Variants in SPANXN1 observed in about 807,000 individuals in gnomAD.
SPANXN1 encodes sperm protein associated with the nucleus on the X chromosome N1.
A neutral mutation model predicts 2.0 loss-of-function variants in SPANXN1; 1 was observed. That is an observed-to-expected ratio of 0.50 (90% CI 0.18 to 2.36). SPANXN1 has a LOEUF of 2.36. SPANXN1 is among the 30% of genes most tolerant of loss of function. The probability of loss-of-function intolerance (pLI) is 0.26; values close to 1 mark genes in which losing one functional copy is unlikely to be tolerated. For synonymous variants in SPANXN1, 27 were observed against 21.3 expected, an observed-to-expected ratio of 1.27 and a Z score of -0.74; for missense variants, 55 against 51.8, an observed-to-expected ratio of 1.06 and a Z score of -0.19.
In SPANXN1 at chrX:145,247,610, C is replaced by A. The variant is rs1556881961; in HGVS notation, c.24C>A (p.Ile8=). 3 of 1,210,527 alleles carry A rather than the reference C, an allele frequency of 2.5e-6. No individual in the cohort carries two copies. The Admixed American group carries it at 6.5e-5, about 26-fold the overall frequency. Residue 8 remains isoleucine (I), a synonymous_variant, in exon 1 of 2, where the codon ATC becomes ATA. Coordinates refer to ENST00000370493, the MANE Select transcript of SPANXN1 (RefSeq NM_001009614.3). ...TCATGGAACAGCCCACTTCAAGCAT[C>A]AATGGGGAGAAGAGGAAGAGCCCCT... MEQPTSS[I]NGEKRKSPCE...
Position 145,255,952 on chromosome X carries a change from C to G in SPANXN1, c.*138C>G. The stretch of plus-strand genomic sequence containing the variant: ...AAGGATCTTCAAAGCAGGATGAAGA[C>G]CTAGACTTACCTGAAGGATCTTCAA... On this transcript the variant is annotated 3_prime_UTR_variant, in exon 2 of 2. Coordinates refer to ENST00000370493, the MANE Select transcript of SPANXN1 (RefSeq NM_001009614.3). The G allele has an allele frequency of 3.7e-6, 4 of 1,069,075 alleles. No individual in the cohort carries two copies. Among genetic ancestry groups the G allele is most frequent in the South Asian group, 3.8e-5 (2 of 52,941 alleles). 88.1% of individuals were successfully genotyped at this position (1,069,075 alleles called of 1,213,427 possible). A position where few individuals can be genotyped will look rare whatever the true frequency, so the allele number is the denominator to read the frequency against.
chrX:145,249,208 C>G (rs1489414677), intron 1 of SPANXN1, among the ~76,000 whole-genome samples: 1 of 107,782 alleles, frequency 9.3e-6, no homozygotes, highest in Non-Finnish European at 1.9e-5. Flanking sequence ...TGTGGACAAA[C>G]AAGTTTAACA....
At chrX:145,248,462 G>C (rs1253369848) in intron 1 of SPANXN1, among the ~76,000 whole-genome samples, 2 of 112,071 alleles carry the variant, frequency 1.8e-5, no homozygotes, top group Admixed American at 1.9e-4. Context: ...GAGATGCTTA[G>C]TTCTGCTAAC....
chrX:145,249,847 T>C (rs5965839), intron 1 of SPANXN1, among the ~76,000 whole-genome samples: 1 of 110,595 alleles, frequency 9.0e-6, no homozygotes, highest in Non-Finnish European at 1.9e-5. Context: ...AGCATTTGTG[T>C]ACTGTCTTAT....
At chrX:145,250,141 C>G (rs782574352) in intron 1 of SPANXN1, among the ~76,000 whole-genome samples, 73 of 111,519 alleles carry the variant, frequency 6.5e-4, no homozygotes, top group African/African-American at 2.3e-3. Flanking sequence ...ATGTTTAGAG[C>G]CTTTGCCAGC....
In SPANXN1 at chrX:145,256,137, G is replaced by T. The variant is rs782248757; in HGVS notation, c.*323G>T. Reference sequence around the variant, plus strand: ...GAGAAAAAGCGATCATCTAGGTCAAGAAATGAAATCGAAATTTCAGAAATT... The same window carrying T: ...GAGAAAAAGCGATCATCTAGGTCAATAAATGAAATCGAAATTTCAGAAATT... On this transcript the variant is annotated 3_prime_UTR_variant, in exon 2 of 2. Coordinates refer to ENST00000370493, the MANE Select transcript of SPANXN1 (RefSeq NM_001009614.3). The T allele has an allele frequency of 4.7e-6, 2 of 422,574 alleles. No individual in the cohort carries two copies. The highest frequency in any genetic ancestry group is 3.8e-5 in the East Asian group (1 of 26,077). 34.8% of individuals were successfully genotyped at this position (422,574 alleles called of 1,213,427 possible). A position where few individuals can be genotyped will look rare whatever the true frequency, so the allele number is the denominator to read the frequency against.
intron 1 of SPANXN1, among the ~76,000 whole-genome samples, chrX:145,254,628 C>T (rs782040464): frequency 6.2e-5 from 7 of 112,114 alleles, no homozygotes; most frequent in African/African-American, 9.7e-5. Context: ...AGGGAGGCTG[C>T]GGTCACCTGG....
At chrX:145,251,027 T>A (rs1339046120) in intron 1 of SPANXN1, among the ~76,000 whole-genome samples, 1 of 112,310 alleles carries the variant, frequency 8.9e-6, no homozygotes, top group African/African-American at 3.2e-5. Context: ...CAACTAGCTT[T>A]GCCTGTTGAG....
intron 1 of SPANXN1, among the ~76,000 whole-genome samples, chrX:145,249,149 A>T (rs868946316): frequency 9.0e-6 from 1 of 110,914 alleles, no homozygotes; most frequent in Non-Finnish European, 1.9e-5. Context: ...ATTTTCGACC[A>T]GGTTTATGTG....
At chrX:145,255,459 A>C (rs12390280) in intron 1 of SPANXN1, among the ~76,000 whole-genome samples, 11,718 of 110,764 alleles carry the variant, frequency 0.11, 1,384 homozygotes, top group African/African-American at 0.34. Context: ...AAGAACTTAC[A>C]AAATGGTGCA....
chrX:145,255,919 C>T lies in SPANXN1; in HGVS notation c.*105C>T. 1 of 1,183,433 alleles carries T rather than the reference C, an allele frequency of 8.4e-7. No individual in the cohort carries two copies. The highest frequency in any genetic ancestry group is 1.1e-6 in the Non-Finnish European group (1 of 872,252). ...ACCTAGACTTACCTGAAGGCCTAGA[C>T]TCAGCTGAAGGATCTTCAAAGCAGG... On this transcript the variant is annotated 3_prime_UTR_variant, in exon 2 of 2. Transcript: ENST00000370493.
chrX:145,250,147 C>T (rs1364814906), intron 1 of SPANXN1, among the ~76,000 whole-genome samples: 1 of 111,505 alleles, frequency 9.0e-6, no homozygotes, highest in African/African-American at 3.3e-5. Flanking sequence ...AGAGCCTTTG[C>T]CAGCTGTTGG....
intron 1 of SPANXN1, among the ~76,000 whole-genome samples, chrX:145,252,053 A>G (rs1250658701): frequency 9.0e-6 from 1 of 111,439 alleles, no homozygotes; most frequent in African/African-American, 3.3e-5. Flanking sequence ...CAGGTTAAGG[A>G]AAGGGCTACA....
chrX:145,250,557 G>A (rs1246493485), intron 1 of SPANXN1, among the ~76,000 whole-genome samples: 8 of 111,848 alleles, frequency 7.2e-5, no homozygotes, highest in Non-Finnish European at 1.5e-4. Flanking sequence ...GGAAATGGTT[G>A]TGCACATATG....
Position 145,252,867 on chromosome X carries a change from C to T in SPANXN1, c.76-2804C>T, listed in dbSNP as rs1462244097. On this transcript the variant is annotated intron_variant, in intron 1 of 1. Coordinates refer to ENST00000370493, the MANE Select transcript of SPANXN1 (RefSeq NM_001009614.3). ...GTTGAATAGGTTGCATAATAAAGGA[C>T]GAGTCTGTGCCTAGAGGGGATTCTA... 5.5e-5 allele frequency among the ~76,000 whole-genome samples: 6 copies of T among 110,015 alleles called. No homozygotes were observed. The East Asian group carries it at 1.2e-3, about 21-fold the overall frequency.
At chrX:145,253,492 G>A (rs1283854886) in intron 1 of SPANXN1, among the ~76,000 whole-genome samples, 1 of 110,719 alleles carries the variant, frequency 9.0e-6, no homozygotes, top group Admixed American at 9.6e-5. Context: ...AATGGAGGTC[G>A]ATTTTGCCCT....
chrX:145,250,755 A>G (rs1428116333), intron 1 of SPANXN1, among the ~76,000 whole-genome samples: 1 of 111,511 alleles, frequency 9.0e-6, no homozygotes, highest in Non-Finnish European at 1.9e-5. Flanking sequence ...TGCCAAATTT[A>G]TTGAAAGGTT....
chrX:145,248,961 T>A (rs1180315435), intron 1 of SPANXN1, among the ~76,000 whole-genome samples: 22 of 111,466 alleles, frequency 2.0e-4, no homozygotes, highest in Non-Finnish European at 1.3e-4. Flanking sequence ...GTAAGAGGTA[T>A]TTTATGGAAT....
At chrX:145,254,672 G>GT (rs1556882880) in intron 1 of SPANXN1, among the ~76,000 whole-genome samples, 2 of 112,145 alleles carry the variant, frequency 1.8e-5, no homozygotes, top group Non-Finnish European at 1.9e-5. Flanking sequence ...GCACTTGATT[G>GT]TTTTTTGGAG....
Sources: allele counts gnomAD v4.1 joint callset (sites outside exome capture counted in the v4.1 genomes callset), GRCh38; gene constraint gnomAD v4.1.1; transcripts MANE v1.5; gene names NCBI Gene and HGNC (gene_info 2026-07-23, HGNC 2026-07-21).